Variants in KLF5 observed in about 807,000 individuals in gnomAD.
KLF5 encodes the protein Krueppel-like factor 5.
In KLF5, 9 loss-of-function variants were observed where a neutral mutation model predicts 36.9. The observed-to-expected ratio is 0.24, with a 90% confidence interval of 0.15 to 0.43. The LOEUF is 0.43. KLF5 is among the 20% of genes least tolerant of loss of function. KLF5 has a pLI of 1.00. For synonymous variants in KLF5, 246 were observed against 241.7 expected, an observed-to-expected ratio of 1.02 and a Z score of -0.17; for missense variants, 524 against 599.5, an observed-to-expected ratio of 0.87 and a Z score of 1.31.
At chr13:73,062,768 A>C in intron 2 of KLF5, 34 bp downstream of exon 2, 1 of 1,560,534 alleles carries the variant, frequency 6.4e-7, no homozygotes, top group East Asian at 2.3e-5. Flanking sequence ...GCATCAATAG[A>C]TGTAGTGTGT....
At chr13:73,075,383 CTGGATTTA>C (rs1339358084) in intron 3 of KLF5, among the ~76,000 whole-genome samples, 1 of 152,144 alleles carries the variant, frequency 6.6e-6, no homozygotes, top group Non-Finnish European at 1.5e-5. Context: ...TAGTCATTTC[CTGGATTTA>C]TGTGTGTAGG....
At position 73,068,858 on chromosome 13, in the gene KLF5, G is replaced by A. The variant is rs866775314; in HGVS notation, c.1195+4975G>A. Reference sequence around the variant, plus strand: ...CGCCTGTAATCCCAGCTCTTTGGGAGGCGGAGGCAGGTGGATCACCTGAGT... The same window carrying A: ...CGCCTGTAATCCCAGCTCTTTGGGAAGCGGAGGCAGGTGGATCACCTGAGT... On this transcript the variant is annotated intron_variant, in intron 3 of 3. Transcript: ENST00000377687. 7.2e-4 allele frequency among the ~76,000 whole-genome samples: 109 copies of A among 152,186 alleles called. 1 individual carries two copies. Among genetic ancestry groups the A allele is most frequent in the Admixed American group, 1.4e-3 (22 of 15,292 alleles).
In KLF5 at chr13:73,059,190, C is replaced by T; in HGVS notation, c.-138C>T. ...TTTCGTGCGCGCCTTCGAAAACTGC[C>T]TGCCGCTGTCTGAGGAGTCCACCCG... On this transcript the variant is annotated 5_prime_UTR_variant, in exon 1 of 4. Coordinates refer to ENST00000377687, the MANE Select transcript of KLF5 (RefSeq NM_001730.5). 4 of 774,560 alleles carry T rather than the reference C, an allele frequency of 5.2e-6. No homozygotes were observed. The highest frequency in any genetic ancestry group is 9.9e-5 in the South Asian group (2 of 20,196). 48.0% of individuals were successfully genotyped at this position (774,560 alleles called of 1,614,324 possible). A position where few individuals can be genotyped will look rare whatever the true frequency, so the allele number is the denominator to read the frequency against.
At chr13:73,060,751 C>G (rs548082960) in intron 1 of KLF5, 1 of 152,168 alleles carries the variant, frequency 6.6e-6, no homozygotes, top group Non-Finnish European at 1.5e-5. Flanking sequence ...AATATATGCG[C>G]CATTCCATCT....
At chr13:73,060,900 C>T (rs533531860) in intron 1 of KLF5, among the ~76,000 whole-genome samples, 2 of 152,130 alleles carry the variant, frequency 1.3e-5, no homozygotes, top group Non-Finnish European at 2.9e-5. Context: ...AAGAGATCAC[C>T]GTTTGAAAAG....
chr13:73,060,280 A>G (rs1189184461), intron 1 of KLF5, among the ~76,000 whole-genome samples: 2 of 151,792 alleles, frequency 1.3e-5, no homozygotes, highest in African/African-American at 4.8e-5. Flanking sequence ...GCCGAATTAG[A>G]GCAACCGCCT....
chr13:73,076,343 A>T lies in KLF5; in HGVS notation c.*457A>T, dbSNP rs1393223753. The T allele has an allele frequency of 6.5e-6, 1 of 153,990 alleles. No homozygotes were observed. The highest frequency in any genetic ancestry group is 1.4e-5 in the Non-Finnish European group (1 of 69,024). 9.5% of individuals were successfully genotyped at this position (153,990 alleles called of 1,614,324 possible). On this transcript the variant is annotated 3_prime_UTR_variant, in exon 4 of 4. Transcript: ENST00000377687. Reference sequence around the variant, plus strand: ...AGGTAATTCCTTAGAGATACAGTATACCTGGCAATTCACAAATAGCCATTG... The same window carrying T: ...AGGTAATTCCTTAGAGATACAGTATTCCTGGCAATTCACAAATAGCCATTG...
rs1250977521 is a variant in KLF5, at chr13:73,076,404, T to A, written c.*518T>A. 6.5e-6 allele frequency: 1 copy of A among 152,742 alleles called. No individual in the cohort carries two copies. Among genetic ancestry groups the A allele is most frequent in the African/African-American group, 2.4e-5 (1 of 41,464 alleles). 9.5% of individuals were successfully genotyped at this position (152,742 alleles called of 1,614,324 possible). The stretch of plus-strand genomic sequence containing the variant: ...TGGGTTTTTAAAAATTATATACATA[T>A]ATGAGTTGCCTATATTTGCTATTCA... On this transcript the variant is annotated 3_prime_UTR_variant, in exon 4 of 4. Transcript: ENST00000377687.
chr13:73,067,512 A>C (rs2044688634), intron 3 of KLF5, among the ~76,000 whole-genome samples: 1 of 152,228 alleles, frequency 6.6e-6, no homozygotes, highest in Admixed American at 6.5e-5. Context: ...ATGTGCGTGG[A>C]TATACACTTA....
At position 73,077,022 on chromosome 13, in the gene KLF5, A is replaced by G. The variant is rs2044767831; in HGVS notation, c.*1136A>G. 1 of 152,648 alleles carries G rather than the reference A, an allele frequency of 6.6e-6. No individual in the cohort carries two copies. The highest frequency in any genetic ancestry group is 6.5e-5 in the Admixed American group (1 of 15,284). The allele number at this position is 152,648 out of a possible 1,614,324, so 9.5% of individuals were successfully genotyped here. On this transcript the variant is annotated 3_prime_UTR_variant, in exon 4 of 4. Transcript: ENST00000377687. ...ACTCAGTGTCTGCCTTTAAATATAA[A>G]TGATATGTTGAAAACTTAAGGAAGC...
At position 73,059,350 on chromosome 13, in the gene KLF5, T is replaced by A; in HGVS notation, c.23T>A (p.Met8Lys). Residue 8 changes from methionine (M) to lysine (K), a missense_variant, in exon 1 of 4, where the codon ATG (methionine) becomes AAG (lysine). By Grantham distance (95) the Met-to-Lys change is moderately conservative. Transcript: ENST00000377687. ...CCCATGGCTACAAGGGTGCTGAGCATGAGCGCCCGCCTGGGACCCGTGCCC... is the reference window on the plus strand; with the variant it reads ...CCCATGGCTACAAGGGTGCTGAGCAAGAGCGCCCGCCTGGGACCCGTGCCC... Reference protein sequence around the residue: MATRVLSMSARLGPVPQP... With the variant: MATRVLSKSARLGPVPQP... 1 of 1,419,718 alleles carries A rather than the reference T, an allele frequency of 7.0e-7. No individual in the cohort carries two copies. 87.9% of individuals were successfully genotyped at this position (1,419,718 alleles called of 1,614,324 possible).
At chr13:73,063,951 G>A in intron 3 of KLF5, 68 bp downstream of exon 3, 1 of 888,478 alleles carries the variant, frequency 1.1e-6, no homozygotes, top group Non-Finnish European at 1.8e-6. Context: ...CCTTTTAAAA[G>A]CTAACACGTG....
upstream of KLF5, among the ~76,000 whole-genome samples, chr13:73,056,538 A>T (rs913819207): frequency 6.6e-6 from 1 of 152,242 alleles, no homozygotes; most frequent in African/African-American, 2.4e-5. Flanking sequence ...CTTTTTACTA[A>T]GTCGGTGAAA....
intron 3 of KLF5, among the ~76,000 whole-genome samples, chr13:73,064,270 A>T (rs1260360880): frequency 6.6e-6 from 1 of 152,224 alleles, no homozygotes; most frequent in Non-Finnish European, 1.5e-5. Flanking sequence ...TTAAACTCTT[A>T]AAAACTTTCC....
chr13:73,059,655 C>A, intron 1 of KLF5, 67 bp downstream of exon 1: 2 of 1,086,156 alleles, frequency 1.8e-6, no homozygotes, highest in East Asian at 5.6e-5. Flanking sequence ...TGCTGCGACT[C>A]GCGGGCGACA....
intron 3 of KLF5, among the ~76,000 whole-genome samples, chr13:73,073,080 C>A (rs1013884707): frequency 2.0e-5 from 3 of 152,124 alleles, no homozygotes; most frequent in Admixed American, 6.6e-5. Flanking sequence ...CTGTAAAAAT[C>A]CAATTAAACT....
At position 73,070,499 on chromosome 13, in the gene KLF5, G is replaced by C. The variant is rs147180985; in HGVS notation, c.1196-5209G>C. Among the ~76,000 whole-genome samples, 973 of 152,308 alleles carry C rather than the reference G, an allele frequency of 6.4e-3. 7 individuals are homozygous for C. Among genetic ancestry groups the C allele is most frequent in the Middle Eastern group, 0.045 (13 of 292 alleles). ...TTCATTAACTCTATTAATGACAGGG[G>C]ATAGTCTTCATAATGTTTACTGGGA... On this transcript the variant is annotated intron_variant, in intron 3 of 3. Transcript: ENST00000377687.
At chr13:73,060,157 T>TAAAAA (rs535575783) in intron 1 of KLF5, among the ~76,000 whole-genome samples, 1 of 116,678 alleles carries the variant, frequency 8.6e-6, no homozygotes, top group Non-Finnish European at 1.7e-5. Flanking sequence ...TATTTTTCCT[T>TAAAAA]AAAAAAAAAA....
Position 73,062,262 on chromosome 13 carries a change from C to T in KLF5, c.663C>T (p.Val221=), listed in dbSNP as rs1195577330. The T allele has an allele frequency of 1.9e-6, 3 of 1,614,106 alleles. No homozygotes were observed. The East Asian group carries it at 6.7e-5, about 36-fold the overall frequency. The change falls in exon 2 of 4, where the codon GTC becomes GTT. Residue 221 remains valine, a synonymous_variant. Coordinates refer to ENST00000377687, the MANE Select transcript of KLF5 (RefSeq NM_001730.5). The part of the protein sequence containing the change: ...ELPTPDLHLS[V]PTQQGHLYQL... ...CTACACCAGATCTTCATCTTTCTGT[C>T]CCTACCCAGCAGGGCCACCTGTACC... is the stretch of plus-strand genomic sequence containing the variant.
Sources: allele counts gnomAD v4.1 joint callset (sites outside exome capture counted in the v4.1 genomes callset), GRCh38; gene constraint gnomAD v4.1.1; transcripts MANE v1.5; gene names NCBI Gene and HGNC (gene_info 2026-07-23, HGNC 2026-07-21).